The following FGFR1 variants were observed in gnomAD, a reference collection of about 807,000 sequenced individuals.
FGFR1 encodes FGFR1/PLAG1 fusion.
FGFR1 carries 18 observed loss-of-function variants against 93.7 expected under a neutral mutation model. The ratio of observed to expected loss-of-function variants is 0.19; its 90% confidence interval spans 0.13 to 0.28. FGFR1 has a LOEUF of 0.28. FGFR1 is among the 10% of genes least tolerant of loss of function. FGFR1 has a pLI of 1.00. For synonymous variants in FGFR1, 448 were observed against 429.3 expected (o/e 1.04, Z -0.54); for missense variants, 731 against 1,080.4 (o/e 0.68, Z 4.53).
At chr8:38,459,038 A>T in intron 1 of FGFR1, 1 of 228,530 alleles carries the variant, frequency 4.4e-6, no homozygotes. Context: ...TTAAAAGAAC[A>T]GAATCTGCAG....
chr8:38,462,855 T>G lies in FGFR1; in HGVS notation c.-89+5126A>C, dbSNP rs988544281. 3.4e-4 allele frequency among the ~76,000 whole-genome samples: 51 copies of G among 151,476 alleles called. 1 individual carries two copies. The highest frequency in any genetic ancestry group is 3.0e-3 in the Admixed American group (46 of 15,200). ...CTGACCTCAGGTGATCCACCTGCCT[T>G]GGCCTCCCAAAGGGCTGGGATTACA... On this transcript the variant is annotated intron_variant, in intron 1 of 17. Transcript: ENST00000447712.
Position 38,429,983 on chromosome 8 carries a change from G to GGGGCGAGAGAGGAAGAC in FGFR1, c.92-52_92-36dup. On this transcript the variant is annotated intron_variant, in intron 2 of 17. Transcript: ENST00000447712. The surrounding 1 kb of genome is among the most constrained non-coding windows in gnomAD (Gnocchi z 4.4). ...CCACGGGGCCGGGAAGGGAAGCCAA[G>GGGGCGAGAGAGGAAGAC]GGGCGAGAGAGGAAGACAGGGAGAG... 1 of 1,578,316 alleles carries GGGGCGAGAGAGGAAGAC rather than the reference G, an allele frequency of 6.3e-7. No individual in the cohort carries two copies. The highest frequency in any genetic ancestry group is 8.6e-7 in the Non-Finnish European group (1 of 1,161,324).
chr8:38,452,343 T>C (rs1277843480), intron 2 of FGFR1, among the ~76,000 whole-genome samples: 3 of 152,010 alleles, frequency 2.0e-5, no homozygotes, highest in African/African-American at 4.8e-5. Context: ...CCTTAATACA[T>C]AGATTATAAT....
intron 2 of FGFR1, among the ~76,000 whole-genome samples, chr8:38,453,499 G>C (rs1279250428): frequency 1.3e-5 from 2 of 152,196 alleles, no homozygotes; most frequent in East Asian, 3.8e-4. Context: ...GTAAGGTGTG[G>C]AGCCAAAATC....
chr8:38,415,287 G>A (rs1816031121), intron 13 of FGFR1, among the ~76,000 whole-genome samples: 1 of 151,994 alleles, frequency 6.6e-6, no homozygotes, highest in South Asian at 2.1e-4. Context: ...TCTACAACAG[G>A]TATTGTTATA....
At chr8:38,461,175 TG>T in intron 1 of FGFR1, 2 of 1,525,926 alleles carry the variant, frequency 1.3e-6, no homozygotes, top group Non-Finnish European at 1.8e-6. Flanking sequence ...ACTGGAGTAC[TG>T]ATCCAACATA....
intron 1 of FGFR1, among the ~76,000 whole-genome samples, chr8:38,457,914 C>T (rs1833313391): frequency 1.3e-5 from 2 of 152,038 alleles, no homozygotes; most frequent in South Asian, 2.1e-4. Context: ...ATCCAGGAGG[C>T]GAAGGATGCA....
chr8:38,427,522 C>T (rs142605555), intron 5 of FGFR1, among the ~76,000 whole-genome samples: 175 of 152,332 alleles, frequency 1.1e-3, no homozygotes, highest in African/African-American at 3.3e-3. Flanking sequence ...TCAGGCAATC[C>T]GCCCACCTCG....
chr8:38,423,582 G>A (rs1286848448), intron 7 of FGFR1: 1 of 180,328 alleles, frequency 5.5e-6, no homozygotes, highest in African/African-American at 2.4e-5. Context: ...TGGGATTACA[G>A]GCGTGAGCCA....
At chr8:38,434,493 A>G in intron 2 of FGFR1, 1 of 404,618 alleles carries the variant, frequency 2.5e-6, no homozygotes, top group South Asian at 2.6e-5. Context: ...TAGCTTGTGG[A>G]TTCTCATCTG....
intron 7 of FGFR1, chr8:38,423,988 T>C: frequency 4.7e-6 from 1 of 214,464 alleles, no homozygotes. Context: ...GGACAATGAA[T>C]GTCTGGGAGT....
At chr8:38,419,211 T>C (rs1817827515) in intron 9 of FGFR1, among the ~76,000 whole-genome samples, 1 of 152,216 alleles carries the variant, frequency 6.6e-6, no homozygotes, top group Admixed American at 6.5e-5. Context: ...CTACCCTGCA[T>C]CTCTGCACTT....
Position 38,424,771 on chromosome 8 carries a change from C to T in FGFR1, c.746-72G>A, listed in dbSNP as rs1227202234. On this transcript the variant is annotated intron_variant, in intron 6 of 17. Coordinates refer to ENST00000447712, the MANE Select transcript of FGFR1 (RefSeq NM_023110.3). This position sits in a 1 kb window ranked among gnomAD's most constrained non-coding sequence, Gnocchi z 4.3. ...GGCTAAAGAGGGGTGGGCTCACCTG[C>T]GCCCCACTTGGCTTTCCCAGTGATG... The T allele has an allele frequency of 3.6e-5, 54 of 1,520,718 alleles. 1 individual carries two copies. Among genetic ancestry groups the T allele is most frequent in the Non-Finnish European group, 2.8e-5 (31 of 1,113,926 alleles). 94.2% of individuals were successfully genotyped at this position (1,520,718 alleles called of 1,614,324 possible).
chr8:38,429,940 A>G lies in FGFR1; in HGVS notation c.100T>C (p.Trp34Arg). Reference protein sequence around the residue: ...SPTLPEQAQPWGAPVEVESFL... With the variant: ...SPTLPEQAQPRGAPVEVESFL... ...GACTCCACTTCCACAGGGGCTCCCC[A>G]GGGCTGGGCTGCAGCCACCACGGGG... is the stretch of plus-strand genomic sequence containing the variant. The change falls in exon 3 of 18, where the codon TGG becomes CGG. Residue 34 changes from tryptophan (W) to arginine (R), a missense_variant. Around this residue, in one of 10 missense-constraint regions of FGFR1, gnomAD observed 212 missense variants for 205.8 expected, o/e 1.03. Coordinates refer to ENST00000447712, the MANE Select transcript of FGFR1 (RefSeq NM_023110.3). This position sits in a 1 kb window ranked among gnomAD's most constrained non-coding sequence, Gnocchi z 4.4. 1 of 1,607,334 alleles carries G rather than the reference A, an allele frequency of 6.2e-7. No individual in the cohort carries two copies.
At chr8:38,428,475 A>T in intron 3 of FGFR1, 40 bp from the exon 4 acceptor site, 1 of 1,538,278 alleles carries the variant, frequency 6.5e-7, no homozygotes, top group Non-Finnish European at 8.9e-7. Flanking sequence ...CCTCCTAGGG[A>T]CCCCTAGATT....
At chr8:38,436,257 C>T (rs1825388695) in intron 2 of FGFR1, among the ~76,000 whole-genome samples, 1 of 152,020 alleles carries the variant, frequency 6.6e-6, no homozygotes, top group South Asian at 2.1e-4. Flanking sequence ...TGCCTGTAGT[C>T]CCCAGGCACT....
intron 2 of FGFR1, among the ~76,000 whole-genome samples, chr8:38,456,176 G>A (rs1307266411): frequency 3.9e-5 from 6 of 152,064 alleles, no homozygotes; most frequent in South Asian, 2.1e-4. Context: ...CCCATCACGC[G>A]CACCTCCAAC....
rs958606573 is a variant in FGFR1, at chr8:38,412,232, T to G, written c.*1396A>C. 9.4e-6 allele frequency: 2 copies of G among 213,362 alleles called. No homozygotes were observed. The highest frequency in any genetic ancestry group is 4.5e-5 in the African/African-American group (2 of 44,208). 13.2% of individuals were successfully genotyped at this position (213,362 alleles called of 1,614,324 possible). On this transcript the variant is annotated 3_prime_UTR_variant, in exon 18 of 18. Transcript: ENST00000447712. ...GCCTGGATAATTTTTGCATTTTTAG[T>G]AGAGATGGGGTTTCACTAAGTTGGC...
intron 2 of FGFR1, among the ~76,000 whole-genome samples, chr8:38,443,544 G>A (rs1404497861): frequency 1.3e-5 from 2 of 151,514 alleles, no homozygotes; most frequent in Non-Finnish European, 2.9e-5. Flanking sequence ...ATGGTAGCGT[G>A]CACCTGTGGT....
Sources: allele counts gnomAD v4.1 joint callset (sites outside exome capture counted in the v4.1 genomes callset), GRCh38; gene constraint gnomAD v4.1.1; regional missense constraint gnomAD v4.1.1; non-coding constraint Gnocchi (gnomAD v3.1); transcripts MANE v1.5; gene names NCBI Gene and HGNC (gene_info 2026-07-23, HGNC 2026-07-21).